Variants in FAT3 observed in about 807,000 individuals in gnomAD.
FAT3 encodes the protein protocadherin Fat 3.
Under a neutral mutation model 310.2 loss-of-function variants are expected in FAT3, and 95 were observed. The observed-to-expected ratio is 0.31, with a 90% CI of 0.26 to 0.36. The LOEUF (loss-of-function observed/expected upper bound fraction) is 0.36, where lower values mean the gene tolerates loss of function less well. FAT3 is among the 10% of genes least tolerant of loss of function. The probability of loss-of-function intolerance (pLI) is 1.00; values close to 1 mark genes in which losing one functional copy is unlikely to be tolerated. For synonymous variants in FAT3, 2,314 were observed against 2,192.9 expected (o/e 1.06, Z -1.54); for missense variants, 5,408 against 5,715.6 (o/e 0.95, Z 1.74).
intron 1 of FAT3, among the ~76,000 whole-genome samples, chr11:92,235,169 C>A (rs915104355): frequency 7.9e-5 from 12 of 152,140 alleles, no homozygotes; most frequent in African/African-American, 2.9e-4. Context: ...ACTCCCATTT[C>A]TAGCCTTTGG....
chr11:92,744,450 A>G (rs570641748), intron 4 of FAT3, among the ~76,000 whole-genome samples: 46 of 152,346 alleles, frequency 3.0e-4, no homozygotes, highest in African/African-American at 1.1e-3. Context: ...TGATATATGT[A>G]GCAGACCATT....
chr11:92,575,544 T>G (rs1176717434), intron 3 of FAT3, among the ~76,000 whole-genome samples: 2 of 152,204 alleles, frequency 1.3e-5, no homozygotes, highest in Non-Finnish European at 2.9e-5. Flanking sequence ...TTTGTGTGTG[T>G]GGAGTTCACC....
chr11:92,379,667 C>G (rs1002748366), intron 2 of FAT3, among the ~76,000 whole-genome samples: 2 of 143,248 alleles, frequency 1.4e-5, no homozygotes, highest in Non-Finnish European at 3.0e-5. Context: ...ATTTGGCGTA[C>G]TCATCTCTTC....
intron 2 of FAT3, among the ~76,000 whole-genome samples, chr11:92,486,531 G>C (rs1431724338): frequency 6.6e-6 from 1 of 151,984 alleles, no homozygotes; most frequent in Admixed American, 6.6e-5. Flanking sequence ...GCATTTATTT[G>C]TGTCAGATAC....
At chr11:92,643,815 G>T (rs1364875239) in intron 3 of FAT3, among the ~76,000 whole-genome samples, 1 of 152,196 alleles carries the variant, frequency 6.6e-6, no homozygotes, top group African/African-American at 2.4e-5. Flanking sequence ...TACGGTATTG[G>T]GTAGGGGACT....
At chr11:92,729,477 A>G (rs1308512144) in intron 4 of FAT3, among the ~76,000 whole-genome samples, 2 of 143,922 alleles carry the variant, frequency 1.4e-5, no homozygotes, top group African/African-American at 5.2e-5. Context: ...CCCAGGCTGG[A>G]GTGCAGTGGC....
At chr11:92,764,213 C>A (rs1174744288) in intron 5 of FAT3, among the ~76,000 whole-genome samples, 1 of 152,000 alleles carries the variant, frequency 6.6e-6, no homozygotes, top group Non-Finnish European at 1.5e-5. Context: ...TCTTCCCTTC[C>A]ACGCTGCCTC....
intron 22 of FAT3, 100 bp from the exon 23 acceptor site, chr11:92,880,631 T>C (rs1008364783): frequency 1.2e-5 from 17 of 1,371,302 alleles, no homozygotes; most frequent in Admixed American, 4.9e-5. Flanking sequence ...CTTCCTATTA[T>C]ACGGTTCAAC....
At chr11:92,601,872 G>T (rs942439632) in intron 3 of FAT3, among the ~76,000 whole-genome samples, 8 of 152,030 alleles carry the variant, frequency 5.3e-5, no homozygotes, top group Non-Finnish European at 1.0e-4. Context: ...AGTGCAGCCA[G>T]GTCCTGATTT....
chr11:92,406,512 C>T lies in FAT3; in HGVS notation c.3292+51108C>T, dbSNP rs1288351939. ...TAAGTGTTCCTTTCTTAAATAAATG[C>T]CTTAGTGCCTCCTAAACTGGAGTAA... On this transcript the variant is annotated intron_variant, in intron 2 of 27. Transcript: ENST00000525166. 3 of 152,240 alleles carry T rather than the reference C, an allele frequency of 2.0e-5. No individual in the cohort carries two copies. The East Asian group carries it at 5.8e-4, about 29-fold the overall frequency. The allele number at this position is 152,240 out of a possible 1,614,324, so 9.4% of individuals were successfully genotyped here.
At chr11:92,247,456 T>C (rs139721097) in intron 1 of FAT3, among the ~76,000 whole-genome samples, 1 of 152,074 alleles carries the variant, frequency 6.6e-6, no homozygotes, top group African/African-American at 2.4e-5. Context: ...CACTCTTTCC[T>C]CATTTTTTCC....
intron 2 of FAT3, among the ~76,000 whole-genome samples, chr11:92,387,314 G>A (rs894857507): frequency 6.6e-6 from 1 of 152,176 alleles, no homozygotes; most frequent in African/African-American, 2.4e-5. Flanking sequence ...CTTTCTTTTA[G>A]TGGTGAGTGG....
At chr11:92,746,000 A>G (rs1364137151) in intron 4 of FAT3, among the ~76,000 whole-genome samples, 1 of 152,214 alleles carries the variant, frequency 6.6e-6, no homozygotes, top group Non-Finnish European at 1.5e-5. Context: ...GAGAAAGCTC[A>G]CCAAAATGAG....
chr11:92,782,268 AT>A (rs1257889644), intron 7 of FAT3, among the ~76,000 whole-genome samples: 2 of 152,172 alleles, frequency 1.3e-5, no homozygotes, highest in Non-Finnish European at 2.9e-5. Flanking sequence ...CAAGGTTATA[AT>A]AAGCTATGAT....
At chr11:92,329,439 G>T (rs1947850367) in intron 1 of FAT3, among the ~76,000 whole-genome samples, 1 of 151,996 alleles carries the variant, frequency 6.6e-6, no homozygotes, top group Admixed American at 6.6e-5. Context: ...ATAGTAAGTA[G>T]AAGCAGCCTG....
intron 2 of FAT3, among the ~76,000 whole-genome samples, chr11:92,401,608 C>G (rs1950014006): frequency 1.3e-5 from 2 of 152,098 alleles, no homozygotes; most frequent in Admixed American, 1.3e-4. Context: ...GAAACACAGC[C>G]TCACTGAAAG....
intron 2 of FAT3, among the ~76,000 whole-genome samples, chr11:92,409,824 C>T (rs932762701): frequency 5.9e-5 from 9 of 151,896 alleles, no homozygotes; most frequent in African/African-American, 2.4e-5. Flanking sequence ...ATTTATTTTT[C>T]TTTTGTGTTT....
At chr11:92,267,408 T>C (rs7106669) in intron 1 of FAT3, among the ~76,000 whole-genome samples, 1,596 of 152,190 alleles carry the variant, frequency 0.01, 22 homozygotes, top group African/African-American at 0.036. Context: ...ATGATGGATA[T>C]GTATTGACTC....
At chr11:92,478,787 A>G (rs115684839) in intron 2 of FAT3, among the ~76,000 whole-genome samples, 2,209 of 151,646 alleles carry the variant, frequency 0.015, 43 homozygotes, top group African/African-American at 0.046. Context: ...TGGCTACTAA[A>G]AATTTTTTGT....
Sources: allele counts gnomAD v4.1 joint callset (sites outside exome capture counted in the v4.1 genomes callset), GRCh38; gene constraint gnomAD v4.1.1; transcripts MANE v1.5; gene names NCBI Gene and HGNC (gene_info 2026-07-23, HGNC 2026-07-21).